Variants in PRKAR2A observed in about 807,000 individuals in gnomAD.
PRKAR2A encodes cAMP-dependent protein kinase type II-alpha regulatory subunit.
A neutral mutation model predicts 51.9 loss-of-function variants in PRKAR2A; 29 were observed. The ratio of observed to expected loss-of-function variants is 0.56; its 90% CI spans 0.42 to 0.76. The LOEUF is 0.76. Ranked by LOEUF, PRKAR2A falls within the 30% of genes least tolerant of loss-of-function variation. PRKAR2A has a pLI of 0.00. For missense variants in PRKAR2A, 445 were observed against 512.1 expected (o/e 0.87, Z 1.26); for synonymous variants, 178 against 186.2 (o/e 0.96, Z 0.36).
chr3:48,751,609 C>T lies in PRKAR2A; in HGVS notation c.1191G>A (p.Val397=), dbSNP rs774588018. The T allele has an allele frequency of 1.1e-5, 18 of 1,612,894 alleles. No individual in the cohort carries two copies. Among genetic ancestry groups the T allele is most frequent in the East Asian group, 2.2e-5 (1 of 44,854 alleles). The change falls in exon 11 of 11, where the codon GTG becomes GTA. Residue 397 remains valine (V), a synonymous_variant. Transcript: ENST00000265563. ...EQLVKMFGSS[V]DLGNLGQ is the part of the protein sequence containing the mutation. ...CCTACTGCCCGAGGTTGCCCAGATC[C>T]ACGCTGGAGCCAAACATCTTCACCA...
intron 1 of PRKAR2A, among the ~76,000 whole-genome samples, chr3:48,841,543 CAAAAAAAAA>C (rs397874491): frequency 1.7e-5 from 1 of 59,538 alleles, no homozygotes; most frequent in Non-Finnish European, 3.0e-5. Context: ...GACTCTGTCT[CAAAAAAAAA>C]AAAAAAAAAA....
At chr3:48,825,028 C>CTTTTTTTTTTTT (rs1168503342) in intron 1 of PRKAR2A, among the ~76,000 whole-genome samples, 3 of 74,686 alleles carry the variant, frequency 4.0e-5, no homozygotes, top group Admixed American at 2.0e-4. Context: ...ATTTTCTTTT[C>CTTTTTTTTTTTT]TTTTTTTTTT....
intron 9 of PRKAR2A, among the ~76,000 whole-genome samples, chr3:48,752,918 T>G (rs1052553239): frequency 1.7e-3 from 21 of 12,530 alleles, no homozygotes; most frequent in Non-Finnish European, 2.1e-3. Flanking sequence ...CCCTCCTCCT[T>G]TTTTTTTTTT....
chr3:48,839,160 C>T (rs944807986), intron 1 of PRKAR2A, among the ~76,000 whole-genome samples: 3 of 152,020 alleles, frequency 2.0e-5, no homozygotes, highest in Non-Finnish European at 2.9e-5. Flanking sequence ...TGGTGACACG[C>T]GCCTGTAATC....
At chr3:48,785,154 G>A (rs1444158275) in intron 4 of PRKAR2A, among the ~76,000 whole-genome samples, 1 of 149,714 alleles carries the variant, frequency 6.7e-6, no homozygotes, top group African/African-American at 2.5e-5. Context: ...GCAGTGGCGC[G>A]ATCTTGGTCC....
chr3:48,790,695 A>T, intron 3 of PRKAR2A, 68 bp from the exon 4 acceptor site: 1 of 1,013,528 alleles, frequency 9.9e-7, no homozygotes, highest in Non-Finnish European at 1.4e-6. Context: ...AAAGATTGGT[A>T]TATTTGTTTC....
At position 48,773,030 on chromosome 3, in the gene PRKAR2A, T is replaced by C; in HGVS notation, c.621A>G (p.Gly207=). 1.2e-6 allele frequency: 2 copies of C among 1,613,984 alleles called. No homozygotes were observed. The highest frequency in any genetic ancestry group is 2.2e-5 in the South Asian group (2 of 91,072). ...VGQYDNRGSF[G]ELALMYNTPR... is the part of the protein sequence containing the mutation. Reference sequence around the variant, plus strand: ...GGGTGTTGTACATCAGAGCTAGTTCTCCAAAACTGCCACGGTTGTCATATT... The same window carrying C: ...GGGTGTTGTACATCAGAGCTAGTTCCCCAAAACTGCCACGGTTGTCATATT... Residue 207 remains glycine, a synonymous_variant, in exon 6 of 11, where the codon GGA becomes GGG. Transcript: ENST00000265563.
chr3:48,797,190 C>CA (rs1229665353), intron 2 of PRKAR2A, among the ~76,000 whole-genome samples: 2 of 151,978 alleles, frequency 1.3e-5, no homozygotes, highest in South Asian at 2.1e-4. Flanking sequence ...TTTTTTGAGA[C>CA]AGAGTCTCGC....
intron 2 of PRKAR2A, among the ~76,000 whole-genome samples, chr3:48,797,242 C>T (rs1035108306): frequency 1.3e-5 from 2 of 152,064 alleles, no homozygotes; most frequent in Non-Finnish European, 2.9e-5. Flanking sequence ...GATCTCAGCT[C>T]ACTGCAAACT....
intron 1 of PRKAR2A, among the ~76,000 whole-genome samples, chr3:48,844,415 GGA>G (rs1348729793): frequency 6.7e-6 from 1 of 150,002 alleles, no homozygotes; most frequent in African/African-American, 2.5e-5. Context: ...CAACCATTGT[GGA>G]AGTCAGTGTG....
chr3:48,765,120 T>C, intron 7 of PRKAR2A, 42 bp from the exon 8 acceptor site: 1 of 1,591,024 alleles, frequency 6.3e-7, no homozygotes, highest in South Asian at 1.1e-5. Context: ...AGACCTTAAT[T>C]GAAAGTCACA....
chr3:48,757,240 G>A (rs2081785948), intron 8 of PRKAR2A, among the ~76,000 whole-genome samples: 1 of 152,192 alleles, frequency 6.6e-6, no homozygotes. Context: ...GTGAAGGATA[G>A]TGCTTGAGCC....
intron 3 of PRKAR2A, among the ~76,000 whole-genome samples, 174 bp from the exon 4 acceptor site, chr3:48,790,801 T>C (rs762251125): frequency 1.1e-4 from 16 of 152,176 alleles, no homozygotes; most frequent in East Asian, 1.9e-4. Context: ...CAATGTAATA[T>C]AGGGGTGAAA....
At position 48,762,947 on chromosome 3, in the gene PRKAR2A, C is replaced by T. The variant is rs190406258; in HGVS notation, c.873+2057G>A. 2.6e-3 allele frequency among the ~76,000 whole-genome samples: 389 copies of T among 152,086 alleles called. 3 individuals carry two copies. The highest frequency in any genetic ancestry group is 8.5e-3 in the African/African-American group (353 of 41,502). ...TTGTAGAAAGGAATTTCTACAGTGACAGAAAACATCAATGGTTTCCAGGAA... is the reference window on the plus strand; with the variant it reads ...TTGTAGAAAGGAATTTCTACAGTGATAGAAAACATCAATGGTTTCCAGGAA... On this transcript the variant is annotated intron_variant, in intron 8 of 10. Coordinates refer to ENST00000265563, the MANE Select transcript of PRKAR2A (RefSeq NM_004157.4).
chr3:48,847,664 C>G lies in PRKAR2A; in HGVS notation c.-68G>C. 2 of 1,375,286 alleles carry G rather than the reference C, an allele frequency of 1.5e-6. No individual in the cohort carries two copies. Among genetic ancestry groups the G allele is most frequent in the Non-Finnish European group, 1.9e-6 (2 of 1,067,112 alleles). 85.2% of individuals were successfully genotyped at this position (1,375,286 alleles called of 1,614,324 possible). On this transcript the variant is annotated 5_prime_UTR_variant, in exon 1 of 11. Transcript: ENST00000265563. The surrounding 1 kb of genome is among the most constrained non-coding windows in gnomAD (Gnocchi z 4.4). ...GCCACTGTCTCCGCGCTCACTCACG[C>G]CGGCCTTTCGCTCCGCGCCCGCGAG...
chr3:48,819,106 C>G (rs571220109), intron 1 of PRKAR2A, among the ~76,000 whole-genome samples: 3 of 152,214 alleles, frequency 2.0e-5, no homozygotes, highest in Admixed American at 2.0e-4. Flanking sequence ...ACCTCCGCCT[C>G]CTGGGCTCAA....
chr3:48,846,302 G>A (rs375414505), intron 1 of PRKAR2A, among the ~76,000 whole-genome samples: 11 of 149,896 alleles, frequency 7.3e-5, no homozygotes, highest in Admixed American at 3.4e-4. Flanking sequence ...TGCAACCTCC[G>A]CCTCCCAGGT....
intron 4 of PRKAR2A, among the ~76,000 whole-genome samples, chr3:48,787,504 A>G (rs137997194): frequency 0.025 from 3,831 of 152,182 alleles, 69 homozygotes; most frequent in Non-Finnish European, 0.039. Context: ...ACTTTTCAAC[A>G]CTCAAATGGT....
At chr3:48,815,075 G>A (rs896947538) in intron 1 of PRKAR2A, among the ~76,000 whole-genome samples, 6 of 151,852 alleles carry the variant, frequency 4.0e-5, no homozygotes, top group Non-Finnish European at 5.9e-5. Context: ...CACCACACCT[G>A]GCTAATTTTT....
Sources: gnomAD v4.1 joint callset for allele counts (sites outside exome capture counted in the v4.1 genomes callset) on GRCh38, gnomAD v4.1.1 for gene constraint, Gnocchi (gnomAD v3.1) non-coding constraint, MANE v1.5 for transcripts, NCBI Gene and HGNC (gene_info 2026-07-23, HGNC 2026-07-21) for gene names.